TRPV4: variants seen among roughly 807,000 people sequenced by gnomAD.
The protein encoded by TRPV4 is transient receptor potential cation channel subfamily V member 4.
A neutral mutation model predicts 84.1 loss-of-function variants in TRPV4; 58 were observed. The ratio of observed to expected loss-of-function variants is 0.69; its 90% CI spans 0.56 to 0.86. TRPV4 has a LOEUF of 0.86. TRPV4 is among the 40% of genes least tolerant of loss of function. TRPV4 has a pLI of 0.00. For synonymous variants in TRPV4, 489 were observed against 500.9 expected, an observed-to-expected ratio of 0.98 and a Z score of 0.32; for missense variants, 879 against 1,181.1, an observed-to-expected ratio of 0.74 and a Z score of 3.75.
chr12:109,827,648 ACG>A (rs368453610), intron 1 of TRPV4, among the ~76,000 whole-genome samples: 102 of 151,244 alleles, frequency 6.7e-4, no homozygotes, highest in African/African-American at 2.4e-3. Flanking sequence ...ATACATATAC[ACG>A]CAAACATACA....
intron 3 of TRPV4, among the ~76,000 whole-genome samples, chr12:109,805,320 A>C (rs570612125): frequency 1.3e-5 from 2 of 152,362 alleles, no homozygotes; most frequent in South Asian, 4.1e-4. Flanking sequence ...GGTGACCCAA[A>C]GTGGAACTAG....
chr12:109,792,546 C>T (rs529622302), intron 11 of TRPV4, 106 bp downstream of exon 11: 1 of 1,579,574 alleles, frequency 6.3e-7, no homozygotes, highest in South Asian at 1.1e-5. Context: ...CTCCTGCCCC[C>T]ACGGTACCCA....
intron 3 of TRPV4, among the ~76,000 whole-genome samples, chr12:109,806,136 G>A (rs1012614033): frequency 6.6e-6 from 1 of 152,112 alleles, no homozygotes; most frequent in Admixed American, 6.5e-5. Context: ...GCCTCCAAAC[G>A]AGGCCACGTC....
At chr12:109,812,967 T>C (rs960820205) in intron 2 of TRPV4, among the ~76,000 whole-genome samples, 2 of 151,868 alleles carry the variant, frequency 1.3e-5, no homozygotes, top group Non-Finnish European at 2.9e-5. Flanking sequence ...AATGAGTAGA[T>C]GATAGATGGA....
At chr12:109,809,723 G>A (rs1313206576) in intron 2 of TRPV4, among the ~76,000 whole-genome samples, 2 of 151,890 alleles carry the variant, frequency 1.3e-5, no homozygotes, top group African/African-American at 4.8e-5. Flanking sequence ...TCATATATTA[G>A]TCATTTATTG....
chr12:109,803,178 C>G (rs1361918520), intron 3 of TRPV4, 35 bp from the exon 4 acceptor site: 1 of 1,611,784 alleles, frequency 6.2e-7, no homozygotes, highest in East Asian at 2.2e-5. Context: ...ACGCAGTGCT[C>G]CAGCCCATGA....
rs1450460988 is a variant in TRPV4 at position 109,788,519 on chromosome 12, T to C, written c.2089A>G (p.Ile697Val). ...AGGATGATGTAGGTCACCAGCAGGA[T>C]GATGAAGACCACGGGGTACTTGGTG... ...SSTKYPVVFI[I>V]LLVTYIILTF... Residue 697 changes from isoleucine to valine, a missense_variant, in exon 13 of 16, where the codon ATC becomes GTC. Coordinates refer to ENST00000261740, the MANE Select transcript of TRPV4 (RefSeq NM_021625.5). 1 of 1,614,084 alleles carries C rather than the reference T, an allele frequency of 6.2e-7. No homozygotes were observed. Among genetic ancestry groups the C allele is most frequent in the East Asian group, 2.2e-5 (1 of 44,890 alleles).
rs113675379 is a variant in TRPV4, at chr12:109,816,549, G to A, written c.-31-1722C>T. On this transcript the variant is annotated intron_variant, in intron 1 of 15. Transcript: ENST00000261740. ...CCCCAGCACTTTGGGAGGCCGAGGC[G>A]GGTGGATCACTTGAAGTCAGGAGTT... Among the ~76,000 whole-genome samples the A allele has an allele frequency of 2.7e-4, 41 of 152,266 alleles. 1 individual carries two copies. Among genetic ancestry groups the A allele is most frequent in the Admixed American group, 8.5e-4 (13 of 15,300 alleles).
chr12:109,795,373 A>C (rs992696465), intron 7 of TRPV4, among the ~76,000 whole-genome samples: 1 of 152,228 alleles, frequency 6.6e-6, no homozygotes, highest in African/African-American at 2.4e-5. Context: ...TAATTCAAAA[A>C]ATGAGGGAAA....
chr12:109,796,664 TC>T lies in TRPV4; in HGVS notation c.1192del (p.Asp398ThrfsTer137), dbSNP rs773985102. On this transcript the variant is annotated frameshift_variant, in exon 7 of 16. Coordinates refer to ENST00000261740, the MANE Select transcript of TRPV4 (RefSeq NM_021625.5). LOFTEE classifies it high-confidence loss of function. The surrounding 1 kb of genome is among the most constrained non-coding windows in gnomAD (Gnocchi z 4.2). The part of the protein sequence containing the change: ...HIIRREVTDE[D>X]TRHLSRKFKD... ...GAACTTGCGGGACAGGTGCCGTGTGTCCTCATCCGTCACCTCCCGCCGGATG... is the reference window on the plus strand; with the variant it reads ...GAACTTGCGGGACAGGTGCCGTGTGTCTCATCCGTCACCTCCCGCCGGATG... 9 of 1,613,858 alleles carry T rather than the reference TC, an allele frequency of 5.6e-6. No homozygotes were observed. The South Asian group carries it at 9.9e-5, about 18-fold the overall frequency.
intron 1 of TRPV4, among the ~76,000 whole-genome samples, chr12:109,816,559 C>G (rs1230939289): frequency 6.6e-6 from 1 of 152,156 alleles, no homozygotes; most frequent in Non-Finnish European, 1.5e-5. Flanking sequence ...GGGTGGATCA[C>G]TTGAAGTCAG....
At chr12:109,826,287 G>T (rs1342467082) in intron 1 of TRPV4, among the ~76,000 whole-genome samples, 1 of 152,240 alleles carries the variant, frequency 6.6e-6, no homozygotes, top group South Asian at 2.1e-4. Flanking sequence ...GCCTCCCAAA[G>T]TGTTGTGATT....
intron 1 of TRPV4, among the ~76,000 whole-genome samples, chr12:109,818,531 C>T (rs1891962001): frequency 6.6e-6 from 1 of 152,096 alleles, no homozygotes. Flanking sequence ...CTTACAGTGT[C>T]TCCTTCAAGC....
intron 8 of TRPV4, 111 bp from the exon 9 acceptor site, chr12:109,794,133 T>C (rs1441508995): frequency 7.0e-6 from 8 of 1,142,504 alleles, no homozygotes; most frequent in Non-Finnish European, 1.0e-5. Context: ...AGCCTCCTCC[T>C]TCACTCTCTT....
At chr12:109,821,538 AT>A (rs11312179) in intron 1 of TRPV4, among the ~76,000 whole-genome samples, 35,617 of 149,746 alleles carry the variant, frequency 0.24, 4,617 homozygotes, top group South Asian at 0.42. Context: ...CTATATATGT[AT>A]TTTTTTTTTC....
At chr12:109,797,802 G>A (rs1890500940) in intron 6 of TRPV4, among the ~76,000 whole-genome samples, 1 of 152,132 alleles carries the variant, frequency 6.6e-6, no homozygotes, top group Non-Finnish European at 1.5e-5. Context: ...TTACAGACAT[G>A]TAAGTGACAC....
Position 109,793,554 on chromosome 12 carries a change from A to G in TRPV4, c.1631T>C (p.Phe544Ser). The G allele has an allele frequency of 6.2e-7, 1 of 1,614,094 alleles. No homozygotes were observed. The highest frequency in any genetic ancestry group is 8.5e-7 in the Non-Finnish European group (1 of 1,180,008). Residue 544 changes from phenylalanine (F) to serine (S), a missense_variant, in exon 10 of 16, where the codon TTC (phenylalanine) becomes TCC (serine). Physicochemically the swap from Phe to Ser is radical, Grantham distance 155. This residue lies in a region of TRPV4 where 521 missense variants were observed against 686.6 expected (regional missense o/e 0.76). Coordinates refer to ENST00000261740, the MANE Select transcript of TRPV4 (RefSeq NM_021625.5). The surrounding 1 kb of genome is among the most constrained non-coding windows in gnomAD (Gnocchi z 4.0). ...MKKCPGVNSL[F>S]IDGSFQLLYF... ...GAGCAGCTGGAAGGAGCCATCAATG[A>G]AGAGAGAATTCACTCCAGGGCATTT...
In TRPV4 at chr12:109,798,403, T is replaced by C. The variant is rs574379260; in HGVS notation, c.1152+211A>G. 1.7e-3 allele frequency among the ~76,000 whole-genome samples: 252 copies of C among 152,244 alleles called. 2 individuals are homozygous for C. Among genetic ancestry groups the C allele is most frequent in the African/African-American group, 5.8e-3 (240 of 41,536 alleles). The stretch of plus-strand genomic sequence containing the variant: ...GTGGTGAACATCCAGTAGGGTGACA[T>C]GAGGCGAGAGGCTCGGGGATGAAGC... On this transcript the variant is annotated intron_variant, in intron 6 of 15. Transcript: ENST00000261740. This position sits in a 1 kb window ranked among gnomAD's most constrained non-coding sequence, Gnocchi z 5.0.
intron 3 of TRPV4, among the ~76,000 whole-genome samples, chr12:109,807,187 A>C (rs1891196957): frequency 6.6e-6 from 1 of 151,460 alleles, no homozygotes; most frequent in Non-Finnish European, 1.5e-5. Context: ...GAGGCAGGAG[A>C]ATCACTTGAA....
Sources: gnomAD v4.1 joint callset for allele counts (sites outside exome capture counted in the v4.1 genomes callset) on GRCh38, gnomAD v4.1.1 for gene constraint, gnomAD v4.1.1 regional missense constraint, Gnocchi (gnomAD v3.1) non-coding constraint, MANE v1.5 for transcripts, NCBI Gene and HGNC (gene_info 2026-07-23, HGNC 2026-07-21) for gene names.